Variants in MICU2 observed in about 807,000 individuals in gnomAD.
The protein encoded by MICU2 is mitochondrial calcium uptake 2, also known as calcium uptake protein 2, mitochondrial.
A neutral mutation model predicts 60.4 loss-of-function variants in MICU2; 64 were observed. The observed-to-expected ratio is 1.06, with a 90% CI of 0.87 to 1.31. The LOEUF (loss-of-function observed/expected upper bound fraction) is 1.31, where lower values mean the gene tolerates loss of function less well. MICU2 is among the 50% of genes most tolerant of loss of function. The probability of loss-of-function intolerance (pLI) is 0.00; values close to 1 mark genes in which losing one functional copy is unlikely to be tolerated. For missense variants in MICU2, 569 were observed against 531.0 expected, an observed-to-expected ratio of 1.07 and a Z score of -0.70; for synonymous variants, 201 against 175.0, an observed-to-expected ratio of 1.15 and a Z score of -1.17.
chr13:21,534,155 T>C (rs1305928455), intron 4 of MICU2, among the ~76,000 whole-genome samples: 3 of 151,832 alleles, frequency 2.0e-5, no homozygotes, highest in Non-Finnish European at 4.4e-5. Flanking sequence ...CTAATTTTGC[T>C]GACAAAATAA....
intron 11 of MICU2, among the ~76,000 whole-genome samples, 163 bp from the exon 12 acceptor site, chr13:21,493,516 T>TA (rs1312165854): frequency 6.6e-6 from 1 of 151,994 alleles, no homozygotes; most frequent in Non-Finnish European, 1.5e-5. Context: ...AAAATGGGGG[T>TA]AAAAGACAAA....
chr13:21,528,204 G>C (rs1421299164), intron 4 of MICU2, among the ~76,000 whole-genome samples: 2 of 152,062 alleles, frequency 1.3e-5, no homozygotes, highest in East Asian at 3.9e-4. Flanking sequence ...CCTTTTGCTA[G>C]TTACGATAGA....
chr13:21,595,154 T>G lies in MICU2; in HGVS notation c.210+8785A>C, dbSNP rs188920770. ...GGGGGTTTCCTTGCTTCTTGAAACC[T>G]GGGTGAAACTCTCTAGAACTGTATA... On this transcript the variant is annotated intron_variant, in intron 1 of 11. Coordinates refer to ENST00000382374, the MANE Select transcript of MICU2 (RefSeq NM_152726.3). Among the ~76,000 whole-genome samples the G allele has an allele frequency of 1.2e-3, 187 of 152,366 alleles. 2 individuals carry two copies. Among genetic ancestry groups the G allele is most frequent in the Non-Finnish European group, 2.1e-3 (146 of 68,034 alleles).
intron 2 of MICU2, among the ~76,000 whole-genome samples, chr13:21,544,216 A>G (rs1176247646): frequency 6.6e-6 from 1 of 152,212 alleles, no homozygotes; most frequent in Non-Finnish European, 1.5e-5. Context: ...CCACTTTAAG[A>G]AAACAGGTGA....
intron 7 of MICU2, 34 bp from the exon 8 acceptor site, chr13:21,510,135 A>G: frequency 9.3e-7 from 1 of 1,077,918 alleles, no homozygotes; most frequent in Non-Finnish European, 1.3e-6. Context: ...TAAAATAATT[A>G]TAAATAAGAA....
Position 21,604,132 on chromosome 13 carries a change from C to G in MICU2, c.17G>C (p.Gly6Ala), listed in dbSNP as rs1209155739. 1.3e-6 allele frequency: 2 copies of G among 1,562,154 alleles called. No individual in the cohort carries two copies. Among genetic ancestry groups the G allele is most frequent in the East Asian group, 2.4e-5 (1 of 41,304 alleles). The change falls in exon 1 of 12, where the codon GGT becomes GCT. Residue 6 changes from glycine (G) to alanine (A), a missense_variant. Physicochemically the swap from Gly to Ala is moderately conservative, Grantham distance 60. Coordinates refer to ENST00000382374, the MANE Select transcript of MICU2 (RefSeq NM_152726.3). ...CCAGGCCGCCACCCGCGCGCAGCTA[C>G]CCGCAGCCGCCGCCATCTTTGCGGA... MAAAA[G>A]SCARVAAWGG...
At chr13:21,511,559 A>C (rs1413807038) in intron 7 of MICU2, among the ~76,000 whole-genome samples, 1 of 152,198 alleles carries the variant, frequency 6.6e-6, no homozygotes, top group Non-Finnish European at 1.5e-5. Context: ...TCTGCCCTTT[A>C]CTCAGTATCC....
chr13:21,494,157 A>G (rs545902966), intron 11 of MICU2, among the ~76,000 whole-genome samples: 5 of 152,334 alleles, frequency 3.3e-5, no homozygotes, highest in African/African-American at 9.6e-5. Flanking sequence ...AAGTTTATAA[A>G]ATATTAATAT....
intron 6 of MICU2, among the ~76,000 whole-genome samples, chr13:21,519,449 ACT>A (rs1194527776): frequency 1.3e-5 from 2 of 151,244 alleles, no homozygotes; most frequent in African/African-American, 4.9e-5. Context: ...ATTATCCTGC[ACT>A]CTCTGGGCTC....
At chr13:21,543,891 C>A (rs1887343923) in intron 2 of MICU2, among the ~76,000 whole-genome samples, 1 of 152,116 alleles carries the variant, frequency 6.6e-6, no homozygotes, top group Admixed American at 6.5e-5. Context: ...AAGCTGGAGG[C>A]ATCAAACTAC....
At chr13:21,505,254 G>C (rs1241526887) in intron 8 of MICU2, among the ~76,000 whole-genome samples, 1 of 152,086 alleles carries the variant, frequency 6.6e-6, no homozygotes, top group Non-Finnish European at 1.5e-5. Context: ...GAAGAGAAAA[G>C]AAATGCAGAA....
intron 2 of MICU2, among the ~76,000 whole-genome samples, chr13:21,550,607 T>C (rs1440820375): frequency 1.3e-5 from 2 of 152,188 alleles, no homozygotes; most frequent in African/African-American, 4.8e-5. Flanking sequence ...TAACGCTCAT[T>C]ATAAAACGTT....
chr13:21,521,263 T>C lies in MICU2; in HGVS notation c.579A>G (p.Glu193=), dbSNP rs750862454. 92 of 1,605,876 alleles carry C rather than the reference T, an allele frequency of 5.7e-5. No individual in the cohort carries two copies. The highest frequency in any genetic ancestry group is 9.3e-6 in the Non-Finnish European group (11 of 1,177,478). Residue 193 remains glutamate (E), a synonymous_variant, in exon 6 of 12, where the codon GAA becomes GAG. Coordinates refer to ENST00000382374, the MANE Select transcript of MICU2 (RefSeq NM_152726.3). ...CACTTACCTTAAAAAATTCCCTTTT[T>C]TCAATCATCTCATTACCATCTGTAT... The part of the protein sequence containing the change: ...MLDTDGNEMI[E]KREFFKLQKI...
intron 6 of MICU2, among the ~76,000 whole-genome samples, chr13:21,517,854 T>C (rs542138537): frequency 8.6e-4 from 130 of 151,948 alleles, no homozygotes; most frequent in African/African-American, 2.9e-3. Flanking sequence ...ACAAAGATCA[T>C]GGAAGTGAAA....
intron 1 of MICU2, among the ~76,000 whole-genome samples, chr13:21,575,514 A>G (rs1266782178): frequency 6.6e-6 from 1 of 151,884 alleles, no homozygotes; most frequent in East Asian, 1.9e-4. Flanking sequence ...CTTGAGCCCA[A>G]GAGTTTGGGA....
intron 2 of MICU2, among the ~76,000 whole-genome samples, chr13:21,550,782 T>C (rs1335486703): frequency 2.0e-5 from 3 of 151,806 alleles, no homozygotes; most frequent in Admixed American, 6.6e-5. Flanking sequence ...ATTGAATCTT[T>C]ACAACAACGC....
intron 9 of MICU2, among the ~76,000 whole-genome samples, chr13:21,502,216 T>C (rs1259765415): frequency 1.3e-5 from 2 of 150,988 alleles, no homozygotes; most frequent in Non-Finnish European, 2.9e-5. Flanking sequence ...TGGGTTCTTC[T>C]ACTGCAATTT....
intron 7 of MICU2, among the ~76,000 whole-genome samples, chr13:21,512,525 G>A (rs1886457924): frequency 2.1e-5 from 3 of 142,894 alleles, no homozygotes; most frequent in Non-Finnish European, 4.5e-5. Context: ...TCGGCTCCCT[G>A]CGAGCTCCGC....
At chr13:21,560,307 ATATCCAACTGCACTAGTACCAT>A (rs147058896) in intron 2 of MICU2, among the ~76,000 whole-genome samples, 52,399 of 151,738 alleles carry the variant, frequency 0.35, 9,430 homozygotes, top group South Asian at 0.4. Flanking sequence ...TTCCATATGC[ATATCCAACTGCACTAGTACCAT>A]TATCCAACTG....
Sources: gnomAD v4.1 joint callset for allele counts (sites outside exome capture counted in the v4.1 genomes callset) on GRCh38, gnomAD v4.1.1 for gene constraint, MANE v1.5 for transcripts, NCBI Gene and HGNC (gene_info 2026-07-23, HGNC 2026-07-21) for gene names.